Variants in NRBP2 observed in about 807,000 individuals in gnomAD.
The protein encoded by NRBP2 is nuclear receptor-binding protein 2.
NRBP2 carries 47 observed loss-of-function variants against 74.4 expected under a neutral mutation model. That is an observed-to-expected ratio of 0.63 (90% CI 0.50 to 0.81). The LOEUF (loss-of-function observed/expected upper bound fraction) is 0.81, where lower values mean the gene tolerates loss of function less well. Ranked by LOEUF, NRBP2 falls within the 30% of genes least tolerant of loss-of-function variation. NRBP2 has a pLI of 0.00. For missense variants in NRBP2, 613 were observed against 690.1 expected, an observed-to-expected ratio of 0.89 and a Z score of 1.25; for synonymous variants, 312 against 273.8, an observed-to-expected ratio of 1.14 and a Z score of -1.38.
rs1239273376 is a variant in NRBP2 at position 143,835,475 on chromosome 8, AC to A, written c.*186del. On this transcript the variant is annotated 3_prime_UTR_variant, in exon 18 of 18. Transcript: ENST00000442628. This position sits in a 1 kb window ranked among gnomAD's most constrained non-coding sequence, Gnocchi z 4.9. ...GAGGCCTAACGGCTCCCCCACACCCACCCCCCAACCCCTCGGCGCCCAAGGC... is the reference window on the plus strand; with the variant it reads ...GAGGCCTAACGGCTCCCCCACACCCACCCCCAACCCCTCGGCGCCCAAGGC... 2.2e-5 allele frequency: 13 copies of A among 587,682 alleles called. No individual in the cohort carries two copies. Among genetic ancestry groups the A allele is most frequent in the Middle Eastern group, 2.6e-4 (1 of 3,802 alleles). The allele number at this position is 587,682 out of a possible 1,614,324, so 36.4% of individuals were successfully genotyped here.
Position 143,840,627 on chromosome 8 carries a change from C to T in NRBP2, c.129+79G>A. 8.5e-6 allele frequency: 11 copies of T among 1,289,784 alleles called. No individual in the cohort carries two copies. The Middle Eastern group carries it at 1.9e-3, about 224-fold the overall frequency. The allele number at this position is 1,289,784 out of a possible 1,614,324, so 79.9% of individuals were successfully genotyped here. A position where few individuals can be genotyped will look rare whatever the true frequency, so the allele number is the denominator to read the frequency against. On this transcript the variant is annotated intron_variant, in intron 1 of 17. Transcript: ENST00000442628. The surrounding 1 kb of genome is among the most constrained non-coding windows in gnomAD (Gnocchi z 5.7). ...TCCAGCCGCCGCGCTCTCCCAGCGC[C>T]CCCACGCCCCGCGCAGCCTCCAGGC...
chr8:143,838,801 T>C, intron 9 of NRBP2, 26 bp from the exon 10 acceptor site: 1 of 1,611,416 alleles, frequency 6.2e-7, no homozygotes, highest in Admixed American at 1.7e-5. Context: ...AGGTCAGGCA[T>C]GGGGAAGGGA....
chr8:143,835,420 C>T lies in NRBP2; in HGVS notation c.*242G>A, dbSNP rs1430563917. The T allele has an allele frequency of 6.5e-6, 4 of 613,760 alleles. No individual in the cohort carries two copies. The East Asian group carries it at 1.2e-4, about 18-fold the overall frequency. The allele number at this position is 613,760 out of a possible 1,614,324, so 38.0% of individuals were successfully genotyped here. A position where few individuals can be genotyped will look rare whatever the true frequency, so the allele number is the denominator to read the frequency against. On this transcript the variant is annotated 3_prime_UTR_variant, in exon 18 of 18. Transcript: ENST00000442628. The surrounding 1 kb of genome is among the most constrained non-coding windows in gnomAD (Gnocchi z 4.9). ...AGAATGGAGGATATGGGAAGGGGTT[C>T]TGGGGGCAACCCTGATCCTAAGGAC...
At chr8:143,831,350 TCA>T (rs1818160631), downstream of NRBP2, among the ~76,000 whole-genome samples, 1 of 152,246 alleles carries the variant, frequency 6.6e-6, no homozygotes, top group South Asian at 2.1e-4. Context: ...GCACAGTGGC[TCA>T]TGCCTGCCTT....
In NRBP2 at chr8:143,839,406, A is replaced by C; in HGVS notation, c.488T>G (p.Phe163Cys). The change falls in exon 6 of 18, where the codon TTC (phenylalanine) becomes TGC (cysteine). Residue 163 changes from phenylalanine (F) to cysteine (C), a missense_variant and splice_region_variant. Around this residue, in one of 2 missense-constraint regions of NRBP2, gnomAD observed 332 missense variants for 429.2 expected, o/e 0.77. Coordinates refer to ENST00000442628, the MANE Select transcript of NRBP2 (RefSeq NM_178564.4). The surrounding 1 kb of genome is among the most constrained non-coding windows in gnomAD (Gnocchi z 5.1). ...WCTQILSALS[F>C]LHACSPPIIH... ...GATTGGGGGGCTGCAGGCGTGCAGG[A>C]AGCTGCAGACGTTGGGGAGGGGAGA... 6.4e-7 allele frequency: 1 copy of C among 1,568,498 alleles called. No individual in the cohort carries two copies. Among genetic ancestry groups the C allele is most frequent in the Non-Finnish European group, 8.6e-7 (1 of 1,165,442 alleles).
downstream of NRBP2, among the ~76,000 whole-genome samples, chr8:143,830,607 G>T (rs1377383095): frequency 6.6e-6 from 1 of 152,256 alleles, no homozygotes; most frequent in African/African-American, 2.4e-5. Context: ...GGCACCTAGG[G>T]GTAGAGTGTT....
rs1554652920 is a variant in NRBP2 at position 143,839,306 on chromosome 8, G to A, written c.580+8C>T. 1.5e-5 allele frequency: 12 copies of A among 780,310 alleles called. No individual in the cohort carries two copies. Among genetic ancestry groups the A allele is most frequent in the Admixed American group, 1.1e-4 (5 of 45,592 alleles). The allele number at this position is 780,310 out of a possible 1,614,324, so 48.3% of individuals were successfully genotyped here. ...CCGTTCCCCCACCCAGCCCTGCCCCGCCAGCACCGGAGCCGATCTTGATGA... is the reference window on the plus strand; with the variant it reads ...CCGTTCCCCCACCCAGCCCTGCCCCACCAGCACCGGAGCCGATCTTGATGA... On this transcript the variant is annotated splice_region_variant and intron_variant, in intron 6 of 17. Transcript: ENST00000442628. The surrounding 1 kb of genome is among the most constrained non-coding windows in gnomAD (Gnocchi z 5.1).
In NRBP2 at chr8:143,839,651, G is replaced by T. The variant is rs1256039484; in HGVS notation, c.444+85C>A. 5 of 1,515,500 alleles carry T rather than the reference G, an allele frequency of 3.3e-6. No individual in the cohort carries two copies. Among genetic ancestry groups the T allele is most frequent in the Non-Finnish European group, 4.4e-6 (5 of 1,135,656 alleles). 93.9% of individuals were successfully genotyped at this position (1,515,500 alleles called of 1,614,324 possible). A position where few individuals can be genotyped will look rare whatever the true frequency, so the allele number is the denominator to read the frequency against. On this transcript the variant is annotated intron_variant, in intron 4 of 17. Coordinates refer to ENST00000442628, the MANE Select transcript of NRBP2 (RefSeq NM_178564.4). The surrounding 1 kb of genome is among the most constrained non-coding windows in gnomAD (Gnocchi z 5.1). ...CCTCGCCCAGCCCCTGTCCGAGGCC[G>T]CCGGGCACCCCCTCACCATCCCAGT...
downstream of NRBP2, among the ~76,000 whole-genome samples, chr8:143,832,640 A>G (rs1350601819): frequency 2.0e-5 from 3 of 152,252 alleles, no homozygotes; most frequent in African/African-American, 7.2e-5. Flanking sequence ...GTGTATGCAT[A>G]TCTAAAAGCA....
Position 143,837,167 on chromosome 8 carries a change from T to C in NRBP2, c.1135A>G (p.Ile379Val), listed in dbSNP as rs376878841. 2.5e-6 allele frequency: 4 copies of C among 1,613,040 alleles called. No homozygotes were observed. Among genetic ancestry groups the C allele is most frequent in the Admixed American group, 1.7e-5 (1 of 59,966 alleles). ...DKFLEDVRNG[I>V]YPLMNFAATR... ...GCTGCAAAGTTCATCAGTGGGTAGA[T>C]TCCATTCCTGGGGACACAACAGGGT... The change falls in exon 14 of 18, where the codon ATC becomes GTC. Residue 379 changes from isoleucine to valine, a missense_variant. Ile to Val is a conservative substitution (Grantham distance 29, BLOSUM62 3). Coordinates refer to ENST00000442628, the MANE Select transcript of NRBP2 (RefSeq NM_178564.4). The surrounding 1 kb of genome is among the most constrained non-coding windows in gnomAD (Gnocchi z 4.3).
intron 10 of NRBP2, 85 bp downstream of exon 10, chr8:143,838,595 G>A: frequency 1.0e-6 from 1 of 973,228 alleles, no homozygotes; most frequent in African/African-American, 1.6e-5. Flanking sequence ...AAACTGTGAT[G>A]TTCTCCCAGG....
At position 143,840,085 on chromosome 8, in the gene NRBP2, G is replaced by A; in HGVS notation, c.252+22C>T. On this transcript the variant is annotated intron_variant, in intron 2 of 17. Transcript: ENST00000442628. This position sits in a 1 kb window ranked among gnomAD's most constrained non-coding sequence, Gnocchi z 5.7. The stretch of plus-strand genomic sequence containing the variant: ...CAGCAGGTGGTCACCCAAGCAGGAT[G>A]AGGAGGGGGCAGCGGTCTCACCTCG... The A allele has an allele frequency of 1.3e-6, 2 of 1,536,156 alleles. No individual in the cohort carries two copies. The highest frequency in any genetic ancestry group is 1.2e-5 in the South Asian group (1 of 84,064).
chr8:143,839,928 C>CGA lies in NRBP2; in HGVS notation c.354_354+1insTC (p.Val119SerfsTer28). On this transcript the variant is annotated frameshift_variant and splice_region_variant. Transcript: ENST00000442628. LOFTEE classifies it high-confidence loss of function. The surrounding 1 kb of genome is among the most constrained non-coding windows in gnomAD (Gnocchi z 5.1). ...CTGCCCGGGGCCTTGCCCGTGCTCA[C>CGA]CCTCGCGCAGGCCTCAGAGGTATCC... 6.5e-7 allele frequency: 1 copy of CGA among 1,536,080 alleles called. No individual in the cohort carries two copies.
chr8:143,838,282 A>G (rs1270807007), intron 10 of NRBP2, among the ~76,000 whole-genome samples: 1 of 152,186 alleles, frequency 6.6e-6, no homozygotes, highest in African/African-American at 2.4e-5. Flanking sequence ...TCCCCCCACA[A>G]GCTGGAGCCT....
chr8:143,840,030 C>T lies in NRBP2; in HGVS notation c.253G>A (p.Glu85Lys), dbSNP rs1554653307. Reference protein sequence around the residue: ...GDRKAFAAHEEKIQTVFEQLV... With the variant: ...GDRKAFAAHEKKIQTVFEQLV... ...TGCTCGAACACGGTCTGGATCTTCT[C>T]CTGGGGAGGGAGGGTGGTCGCTGGG... Residue 85 changes from glutamate (E) to lysine (K), a missense_variant and splice_region_variant, in exon 3 of 18, where the codon GAG becomes AAG. Coordinates refer to ENST00000442628, the MANE Select transcript of NRBP2 (RefSeq NM_178564.4). The surrounding 1 kb of genome is among the most constrained non-coding windows in gnomAD (Gnocchi z 5.7). 1 of 1,536,182 alleles carries T rather than the reference C, an allele frequency of 6.5e-7. No homozygotes were observed. Among genetic ancestry groups the T allele is most frequent in the South Asian group, 1.2e-5 (1 of 84,060 alleles).
In NRBP2 at chr8:143,840,530, C is replaced by T; in HGVS notation, c.129+176G>A. 2.9e-6 allele frequency: 2 copies of T among 699,274 alleles called. No homozygotes were observed. Among genetic ancestry groups the T allele is most frequent in the Non-Finnish European group, 4.6e-6 (2 of 437,162 alleles). The allele number at this position is 699,274 out of a possible 1,614,324, so 43.3% of individuals were successfully genotyped here. On this transcript the variant is annotated intron_variant, in intron 1 of 17. Coordinates refer to ENST00000442628, the MANE Select transcript of NRBP2 (RefSeq NM_178564.4). The surrounding 1 kb of genome is among the most constrained non-coding windows in gnomAD (Gnocchi z 5.7). ...GGAGGAGACTGGCCCTCAGGGAGTCCCAGGGCGAGCGCCAGGCCAAAGGGG... is the reference window on the plus strand; with the variant it reads ...GGAGGAGACTGGCCCTCAGGGAGTCTCAGGGCGAGCGCCAGGCCAAAGGGG...
chr8:143,831,107 G>C (rs1293417833), downstream of NRBP2, among the ~76,000 whole-genome samples: 1 of 152,220 alleles, frequency 6.6e-6, no homozygotes, highest in African/African-American at 2.4e-5. Flanking sequence ...CCACCCTCTG[G>C]GGACAGCTTC....
intron 14 of NRBP2, 98 bp from the exon 15 acceptor site, chr8:143,836,278 G>A (rs1440985371): frequency 2.1e-6 from 3 of 1,417,994 alleles, no homozygotes; most frequent in African/African-American, 1.5e-5. Flanking sequence ...CTGGAAAGGG[G>A]GGAATCTCTA....
chr8:143,837,588 T>C lies in NRBP2; in HGVS notation c.973+35A>G. On this transcript the variant is annotated intron_variant, in intron 11 of 17. Transcript: ENST00000442628. The surrounding 1 kb of genome is among the most constrained non-coding windows in gnomAD (Gnocchi z 4.3). ...CCCCTTCCACGTCCCAACCTCCACC[T>C]CCCCAGCCACCCCCCGGGCCGGCCT... is the stretch of plus-strand genomic sequence containing the variant. 6.3e-7 allele frequency: 1 copy of C among 1,595,194 alleles called. No homozygotes were observed. Among genetic ancestry groups the C allele is most frequent in the East Asian group, 2.3e-5 (1 of 44,246 alleles).
Sources: allele counts gnomAD v4.1 joint callset (sites outside exome capture counted in the v4.1 genomes callset), GRCh38; gene constraint gnomAD v4.1.1; regional missense constraint gnomAD v4.1.1; non-coding constraint Gnocchi (gnomAD v3.1); transcripts MANE v1.5; gene names NCBI Gene and HGNC (gene_info 2026-07-23, HGNC 2026-07-21).